Variants in NEK5 observed in about 807,000 individuals in gnomAD.
NEK5 encodes NIMA related kinase 5, also known as serine/threonine-protein kinase Nek5.
In NEK5, 88 loss-of-function variants were observed where a neutral mutation model predicts 109.2. That is an observed-to-expected ratio of 0.81 (90% CI 0.68 to 0.96). NEK5 has a LOEUF of 0.96. Among genes scored for constraint, NEK5 ranks in the 40% least tolerant of loss-of-function variants. The probability of loss-of-function intolerance (pLI) is 0.00; values close to 1 mark genes in which losing one functional copy is unlikely to be tolerated. For missense variants in NEK5, 834 were observed against 920.7 expected, an observed-to-expected ratio of 0.91 and a Z score of 1.22; for synonymous variants, 283 against 299.9, an observed-to-expected ratio of 0.94 and a Z score of 0.58.
In NEK5 at chr13:52,101,990, T is replaced by C. The variant is rs374646356; in HGVS notation, c.835A>G (p.Met279Val). Residue 279 changes from methionine (M) to valine (V), a missense_variant, in exon 11 of 24, where the codon ATG becomes GTG. Met to Val is a conservative substitution (Grantham distance 21). This residue lies in a region of NEK5 where 777 missense variants were observed against 824.7 expected (regional missense o/e 0.94). Coordinates refer to ENST00000684899, the MANE Select transcript of NEK5 (RefSeq NM_001365552.1). Reference sequence around the variant, plus strand: ...GGCGCTCCTGCTCTGCATATAAGCATGTGACTGAATTCTTCCTGAATGACC... The same window carrying C: ...GGCGCTCCTGCTCTGCATATAAGCACGTGACTGAATTCTTCCTGAATGACC... The part of the protein sequence containing the change: ...PEVIQEEFSH[M>V]LICRAGAPAS... 131 of 1,614,076 alleles carry C rather than the reference T, an allele frequency of 8.1e-5. No homozygotes were observed. The highest frequency in any genetic ancestry group is 1.0e-4 in the Non-Finnish European group (118 of 1,180,036).
chr13:52,099,097 C>T (rs1204700504), intron 12 of NEK5, among the ~76,000 whole-genome samples: 1 of 152,138 alleles, frequency 6.6e-6, no homozygotes, highest in African/African-American at 2.4e-5. Context: ...AGGATAAATA[C>T]TTGAGGGGAC....
At chr13:52,090,176 C>T (rs1019399988) in intron 13 of NEK5, among the ~76,000 whole-genome samples, 1 of 152,256 alleles carries the variant, frequency 6.6e-6, no homozygotes, top group South Asian at 2.1e-4. Context: ...CAATTCCAGT[C>T]AAACAATTTT....
At position 52,104,563 on chromosome 13, in the gene NEK5, TAA is replaced by T; in HGVS notation, c.555-13_555-12del. 6.3e-7 allele frequency: 1 copy of T among 1,588,522 alleles called. No homozygotes were observed. Among genetic ancestry groups the T allele is most frequent in the Non-Finnish European group, 8.6e-7 (1 of 1,157,166 alleles). On this transcript the variant is annotated splice_polypyrimidine_tract_variant and intron_variant, in intron 8 of 23. Transcript: ENST00000684899. ...AGAGACCAAATATCCCTAAAGAAGA[TAA>T]GAGTTTACATGCCAAGAAAATATCC...
intron 4 of NEK5, 40 bp downstream of exon 4, chr13:52,119,279 T>C (rs1302118036): frequency 5.1e-6 from 6 of 1,188,066 alleles, no homozygotes; most frequent in Non-Finnish European, 7.4e-6. Context: ...AACATGCCTA[T>C]ACTTTATAAA....
At chr13:52,086,720 G>C (rs1350486231) in intron 15 of NEK5, among the ~76,000 whole-genome samples, 2 of 152,156 alleles carry the variant, frequency 1.3e-5, no homozygotes, top group East Asian at 3.8e-4. Flanking sequence ...GACCCCATTT[G>C]AAAACAGGGT....
intron 5 of NEK5, 134 bp downstream of exon 5, chr13:52,112,134 C>T (rs1955770357): frequency 4.3e-6 from 2 of 462,258 alleles, no homozygotes; most frequent in Non-Finnish European, 7.7e-6. Flanking sequence ...TATTGATCCA[C>T]TATTTTATGG....
At chr13:52,118,494 A>G (rs529358918) in intron 4 of NEK5, among the ~76,000 whole-genome samples, 1 of 152,358 alleles carries the variant, frequency 6.6e-6, no homozygotes, top group African/African-American at 2.4e-5. Flanking sequence ...TAAGCACTCA[A>G]TAAGTATCAG....
intron 4 of NEK5, among the ~76,000 whole-genome samples, chr13:52,118,753 A>AG (rs1955909977): frequency 6.6e-6 from 1 of 152,058 alleles, no homozygotes; most frequent in Non-Finnish European, 1.5e-5. Flanking sequence ...TCTCTGTAAG[A>AG]GGATTACACA....
At position 52,049,306 on chromosome 13, in the gene NEK5, C is replaced by T. The variant is rs140786663; in HGVS notation, c.2228+798G>A. Among the ~76,000 whole-genome samples the T allele has an allele frequency of 9.7e-3, 1,469 of 152,122 alleles. 16 individuals carry two copies. The highest frequency in any genetic ancestry group is 0.016 in the Non-Finnish European group (1,058 of 68,022). ...GGGCATGGTGGCATGTGCCTGTGGTCCCAGCTACTTGGGAGGCTGAGGTGG... is the reference window on the plus strand; with the variant it reads ...GGGCATGGTGGCATGTGCCTGTGGTTCCAGCTACTTGGGAGGCTGAGGTGG... On this transcript the variant is annotated intron_variant, in intron 23 of 23. Transcript: ENST00000684899.
In NEK5 at chr13:52,110,231, A is replaced by G. The variant is rs887047123; in HGVS notation, c.467+109T>C. On this transcript the variant is annotated intron_variant, in intron 7 of 23. Transcript: ENST00000684899. The stretch of plus-strand genomic sequence containing the variant: ...GTAATGCATTTACATAAAGCTACCT[A>G]AAATTATTTAGACAACCAAGATTTT... 1.1e-5 allele frequency: 8 copies of G among 718,124 alleles called. No individual in the cohort carries two copies. The African/African-American group carries it at 1.3e-4, about 11-fold the overall frequency. The allele number at this position is 718,124 out of a possible 1,614,324, so 44.5% of individuals were successfully genotyped here.
In NEK5 at chr13:52,037,045, TC is replaced by T. The variant is rs1954366237; in HGVS notation, c.2401del (p.Glu801ArgfsTer39). 2 of 985,328 alleles carry T rather than the reference TC, an allele frequency of 2.0e-6. No homozygotes were observed. The highest frequency in any genetic ancestry group is 1.7e-5 in the African/African-American group (1 of 57,346). 61.0% of individuals were successfully genotyped at this position (985,328 alleles called of 1,614,324 possible). On this transcript the variant is annotated frameshift_variant, in exon 24 of 24. Transcript: ENST00000684899. LOFTEE classifies it high-confidence loss of function. ...TGTAGTAGAAATATTCTCCAAGCCC[TC>T]CCTTAATTCTTCAGATTTCTGCATA... The part of the protein sequence containing the change: ...ISMQKSEELR[E>X]GLENISTTSN...
chr13:52,042,729 T>C (rs1032794133), intron 23 of NEK5, among the ~76,000 whole-genome samples: 13 of 152,098 alleles, frequency 8.5e-5, no homozygotes, highest in African/African-American at 3.1e-4. Context: ...AACTTTTGAA[T>C]TTGTTAGATC....
intron 4 of NEK5, among the ~76,000 whole-genome samples, chr13:52,119,019 G>T (rs1034440158): frequency 2.6e-5 from 4 of 152,146 alleles, no homozygotes; most frequent in Non-Finnish European, 5.9e-5. Context: ...GTGTCTTATT[G>T]TAAGTCACTT....
intron 13 of NEK5, among the ~76,000 whole-genome samples, 176 bp downstream of exon 13, chr13:52,092,878 T>G (rs1441671572): frequency 6.6e-6 from 1 of 152,308 alleles, no homozygotes; most frequent in Non-Finnish European, 1.5e-5. Context: ...AGAGTGAGAC[T>G]GTCTACAAAA....
intron 20 of NEK5, among the ~76,000 whole-genome samples, chr13:52,068,631 T>C (rs926238450): frequency 1.3e-5 from 2 of 151,928 alleles, no homozygotes; most frequent in Admixed American, 1.3e-4. Context: ...CCATTTTCAG[T>C]AGAAAAAAGG....
At position 52,108,391 on chromosome 13, in the gene NEK5, C is replaced by G. The variant is rs1955694856; in HGVS notation, c.481G>C (p.Ala161Pro). 1 of 1,601,428 alleles carries G rather than the reference C, an allele frequency of 6.2e-7. No individual in the cohort carries two copies. The highest frequency in any genetic ancestry group is 8.6e-7 in the Non-Finnish European group (1 of 1,169,350). Residue 161 changes from alanine to proline, a missense_variant, in exon 8 of 24, where the codon GCT becomes CCT. Ala to Pro is a conservative substitution (Grantham distance 27). This residue lies in a region of NEK5 where 777 missense variants were observed against 824.7 expected (regional missense o/e 0.94). Transcript: ENST00000684899. ...TAAGGTGTTCCAATACAAGTTCGAGCAAGTTCCATGGAACTAGTAAATTAT... is the reference window on the plus strand; with the variant it reads ...TAAGGTGTTCCAATACAAGTTCGAGGAAGTTCCATGGAACTAGTAAATTAT... The part of the protein sequence containing the change: ...ARVLNNSMEL[A>P]RTCIGTPYYL...
intron 17 of NEK5, chr13:52,082,415 TAA>T: frequency 1.0e-6 from 1 of 967,348 alleles, no homozygotes; most frequent in Non-Finnish European, 1.3e-6. Flanking sequence ...ATTCGCAAAA[TAA>T]ATATAACTCC....
At chr13:52,115,123 C>T (rs1955828529) in intron 4 of NEK5, among the ~76,000 whole-genome samples, 1 of 151,786 alleles carries the variant, frequency 6.6e-6, no homozygotes, top group South Asian at 2.1e-4. Context: ...CGCCATTCTC[C>T]TGCCTCAGCC....
intron 12 of NEK5, among the ~76,000 whole-genome samples, chr13:52,098,232 A>G (rs1170170102): frequency 6.6e-6 from 1 of 151,852 alleles, no homozygotes; most frequent in Non-Finnish European, 1.5e-5. Flanking sequence ...ACTGCCCTCT[A>G]GCCTGGGTGA....
Sources: allele counts gnomAD v4.1 joint callset (sites outside exome capture counted in the v4.1 genomes callset), GRCh38; gene constraint gnomAD v4.1.1; regional missense constraint gnomAD v4.1.1; transcripts MANE v1.5; gene names NCBI Gene and HGNC (gene_info 2026-07-23, HGNC 2026-07-21).